Variants in AKAP6 observed in about 807,000 individuals in gnomAD.
The protein encoded by AKAP6 is A-kinase anchoring protein 6, also known as A-kinase anchor protein 6.
AKAP6 carries 58 observed loss-of-function variants against 188.5 expected under a neutral mutation model. The ratio of observed to expected loss-of-function variants is 0.31; its 90% CI spans 0.25 to 0.38. AKAP6 has a LOEUF of 0.38. Among genes scored for constraint, AKAP6 ranks in the 10% least tolerant of loss-of-function variants. The pLI, the probability that AKAP6 is intolerant of heterozygous loss-of-function variation, is 1.00. For synonymous variants in AKAP6, 989 were observed against 998.6 expected (o/e 0.99, Z 0.18); for missense variants, 2,710 against 2,740.0 (o/e 0.99, Z 0.24).
At chr14:32,346,651 G>C (rs569161404) in intron 1 of AKAP6, among the ~76,000 whole-genome samples, 1 of 152,308 alleles carries the variant, frequency 6.6e-6, no homozygotes, top group Admixed American at 6.5e-5. Context: ...TGGGACTACA[G>C]GGGCCCGCCA....
chr14:32,346,550 C>T (rs1655311752), intron 1 of AKAP6, among the ~76,000 whole-genome samples: 1 of 152,162 alleles, frequency 6.6e-6, no homozygotes, highest in African/African-American at 2.4e-5. Flanking sequence ...GCTCTTTCAC[C>T]CAGGCCGAAC....
chr14:32,589,388 C>T (rs1384377225), intron 5 of AKAP6, among the ~76,000 whole-genome samples: 1 of 152,142 alleles, frequency 6.6e-6, no homozygotes, highest in African/African-American at 2.4e-5. Context: ...TGAGTTTCTT[C>T]CTTTGGTGGC....
chr14:32,655,391 T>C (rs1044751556), intron 7 of AKAP6, among the ~76,000 whole-genome samples: 2 of 152,178 alleles, frequency 1.3e-5, no homozygotes, highest in Non-Finnish European at 2.9e-5. Flanking sequence ...TATTATTGAA[T>C]CTCTTAGTAA....
At chr14:32,405,859 G>A (rs942270590) in intron 1 of AKAP6, among the ~76,000 whole-genome samples, 1 of 152,050 alleles carries the variant, frequency 6.6e-6, no homozygotes, top group Non-Finnish European at 1.5e-5. Context: ...GAGATTACCC[G>A]GTCTCCTGTA....
intron 11 of AKAP6, among the ~76,000 whole-genome samples, chr14:32,762,069 G>A (rs2032558123): frequency 6.6e-6 from 1 of 152,118 alleles, no homozygotes; most frequent in Admixed American, 6.6e-5. Context: ...TGATTGTGGG[G>A]TTTTAAGGAA....
chr14:32,378,415 C>A (rs770233032), intron 1 of AKAP6, among the ~76,000 whole-genome samples: 2 of 152,200 alleles, frequency 1.3e-5, no homozygotes, highest in African/African-American at 2.4e-5. Flanking sequence ...TCCCTTCCCC[C>A]ATGAAATATC....
At chr14:32,377,304 G>A (rs1044091214) in intron 1 of AKAP6, among the ~76,000 whole-genome samples, 4 of 152,178 alleles carry the variant, frequency 2.6e-5, no homozygotes, top group African/African-American at 9.7e-5. Context: ...TATTTCAACT[G>A]TGAGGCCTTA....
At chr14:32,750,420 AT>A (rs1272702120) in intron 11 of AKAP6, among the ~76,000 whole-genome samples, 1 of 151,950 alleles carries the variant, frequency 6.6e-6, no homozygotes, top group Non-Finnish European at 1.5e-5. Flanking sequence ...TGACATTTGC[AT>A]TATATTGAAA....
At chr14:32,419,195 T>G (rs1245229369) in intron 1 of AKAP6, among the ~76,000 whole-genome samples, 11 of 152,218 alleles carry the variant, frequency 7.2e-5, no homozygotes. Flanking sequence ...TATTATTCTT[T>G]CTGTAATAAA....
intron 7 of AKAP6, among the ~76,000 whole-genome samples, chr14:32,633,779 T>A (rs535982371): frequency 4.6e-4 from 70 of 152,236 alleles, no homozygotes; most frequent in African/African-American, 1.7e-3. Flanking sequence ...GGGTTGTTAC[T>A]GCAGCAAAGC....
intron 7 of AKAP6, among the ~76,000 whole-genome samples, chr14:32,653,698 A>G (rs939125161): frequency 1.4e-4 from 22 of 152,340 alleles, no homozygotes; most frequent in Non-Finnish European, 2.2e-4. Flanking sequence ...ATCTATAAAA[A>G]GGGAATAATA....
intron 1 of AKAP6, among the ~76,000 whole-genome samples, chr14:32,330,713 ATTTTTTTTTTTTTTT>A (rs35147196): frequency 1.4e-4 from 9 of 62,360 alleles, no homozygotes; most frequent in African/African-American, 2.2e-4. Context: ...GCTTGGAGTG[ATTTTTTTTTTTTTTT>A]TTTTTTTTTT....
At chr14:32,472,859 G>T (rs977619858) in intron 2 of AKAP6, among the ~76,000 whole-genome samples, 2 of 152,010 alleles carry the variant, frequency 1.3e-5, no homozygotes, top group Non-Finnish European at 2.9e-5. Flanking sequence ...CTTAAAGGTC[G>T]TGAAAATAGA....
intron 12 of AKAP6, among the ~76,000 whole-genome samples, chr14:32,780,215 TA>T (rs537357237): frequency 1.4e-4 from 20 of 145,690 alleles, no homozygotes; most frequent in South Asian, 2.2e-4. Flanking sequence ...TATTTGGCCT[TA>T]AAAAAAAAGG....
intron 2 of AKAP6, among the ~76,000 whole-genome samples, chr14:32,510,053 C>CA (rs1209795791): frequency 6.6e-6 from 1 of 152,110 alleles, no homozygotes; most frequent in East Asian, 1.9e-4. Context: ...AGTTGATGGG[C>CA]AAGGACTTGG....
intron 3 of AKAP6, among the ~76,000 whole-genome samples, chr14:32,540,346 A>C (rs1882893430): frequency 1.3e-5 from 2 of 151,338 alleles, no homozygotes; most frequent in Non-Finnish European, 2.9e-5. Flanking sequence ...TTACAGGCAC[A>C]TGCCACCACG....
intron 5 of AKAP6, among the ~76,000 whole-genome samples, chr14:32,591,904 T>C (rs1885503909): frequency 6.6e-6 from 1 of 152,172 alleles, no homozygotes; most frequent in Non-Finnish European, 1.5e-5. Flanking sequence ...TACCACATGA[T>C]GAGAGGGCAA....
chr14:32,569,888 C>G (rs1036071959), intron 4 of AKAP6, among the ~76,000 whole-genome samples: 3 of 152,086 alleles, frequency 2.0e-5, no homozygotes, highest in Admixed American at 1.3e-4. Flanking sequence ...AGAATGTAGC[C>G]CGTTTTGAAA....
At position 32,818,507 on chromosome 14, in the gene AKAP6, T is replaced by G. The variant is rs936687590; in HGVS notation, c.3589-2895T>G. 3.6e-5 allele frequency among the ~76,000 whole-genome samples: 5 copies of G among 139,386 alleles called. No individual in the cohort carries two copies. In the South Asian group the frequency reaches 8.8e-4, roughly 25 times the overall value. The allele number at this position is 139,386 out of a possible 152,430, so 91.4% of individuals were successfully genotyped here. ...TCACTTGACACAGGGAAAACTTGGG[T>G]TTTTTTTTTTTGTAACCGTGAAATT... On this transcript the variant is annotated intron_variant, in intron 12 of 13. Coordinates refer to ENST00000280979, the MANE Select transcript of AKAP6 (RefSeq NM_004274.5).
Sources: gnomAD v4.1 joint callset for allele counts (sites outside exome capture counted in the v4.1 genomes callset) on GRCh38, gnomAD v4.1.1 for gene constraint, MANE v1.5 for transcripts, NCBI Gene and HGNC (gene_info 2026-07-23, HGNC 2026-07-21) for gene names.